The following RAB38 variants were observed in gnomAD, a reference collection of about 807,000 sequenced individuals.
RAB38 encodes RAB38, member RAS oncogene family.
In RAB38, 15 loss-of-function variants were observed where a neutral mutation model predicts 18.4. The observed-to-expected ratio is 0.82, with a 90% CI of 0.55 to 1.26. The LOEUF is 1.26. Ranked by LOEUF, RAB38 falls within the 50% of genes most tolerant of loss-of-function variation. The pLI is 0.00. For synonymous variants in RAB38, 101 were observed against 104.4 expected, an observed-to-expected ratio of 0.97 and a Z score of 0.20; for missense variants, 294 against 267.4, an observed-to-expected ratio of 1.10 and a Z score of -0.69.
chr11:87,863,348 C>T, the RAB38 span, among the ~76,000 whole-genome samples: 1 of 151,622 alleles, frequency 6.6e-6, no homozygotes, highest in South Asian at 2.1e-4. Flanking sequence ...CAAAAGTACC[C>T]AACTTATGGC....
chr11:88,054,845 T>A, the RAB38 span, among the ~76,000 whole-genome samples: 1 of 152,234 alleles, frequency 6.6e-6, no homozygotes, highest in African/African-American at 2.4e-5. Context: ...TATCAGGAGA[T>A]CTCCTTAAGT....
chr11:87,823,833 T>C, the RAB38 span, among the ~76,000 whole-genome samples: 3 of 152,092 alleles, frequency 2.0e-5, no homozygotes, highest in Non-Finnish European at 4.4e-5. Context: ...ACACAGATGA[T>C]TTTTAAGAAG....
chr11:88,140,976 G>A (rs1012372977), intron 2 of RAB38, among the ~76,000 whole-genome samples: 1 of 152,114 alleles, frequency 6.6e-6, no homozygotes, highest in Non-Finnish European at 1.5e-5. Context: ...AGATCCAGAA[G>A]GATATGGAAG....
At chr11:88,143,448 C>T (rs1201823499) in intron 2 of RAB38, among the ~76,000 whole-genome samples, 1 of 152,120 alleles carries the variant, frequency 6.6e-6, no homozygotes, top group African/African-American at 2.4e-5. Flanking sequence ...ACATGTAAAC[C>T]AATGAGCACA....
chr11:87,812,894 C>T, the RAB38 span, among the ~76,000 whole-genome samples: 786 of 152,268 alleles, frequency 5.2e-3, 10 homozygotes, highest in African/African-American at 0.018. Flanking sequence ...AAGATGGGAA[C>T]TATAACACTG....
the RAB38 span, among the ~76,000 whole-genome samples, chr11:87,810,417 G>C: frequency 6.6e-6 from 1 of 152,096 alleles, no homozygotes; most frequent in Non-Finnish European, 1.5e-5. Context: ...ATCATACAGT[G>C]TGAACTTGTC....
the RAB38 span, among the ~76,000 whole-genome samples, chr11:87,970,958 C>A: frequency 6.6e-6 from 1 of 152,016 alleles, no homozygotes; most frequent in Non-Finnish European, 1.5e-5. Context: ...AAATGTCACT[C>A]TAGAGCTCTG....
chr11:87,811,066 G>A, the RAB38 span, among the ~76,000 whole-genome samples: 1 of 152,210 alleles, frequency 6.6e-6, no homozygotes, highest in East Asian at 1.9e-4. Context: ...CTAAGACTTT[G>A]TAGGCTCTCC....
chr11:88,099,797 G>T, the RAB38 span, among the ~76,000 whole-genome samples: 1 of 151,438 alleles, frequency 6.6e-6, no homozygotes, highest in Non-Finnish European at 1.5e-5. Flanking sequence ...TAGTACATAG[G>T]GTCAAGGCAT....
At chr11:88,008,620 A>G in the RAB38 span, among the ~76,000 whole-genome samples, 2 of 152,230 alleles carry the variant, frequency 1.3e-5, no homozygotes, top group African/African-American at 4.8e-5. Context: ...ACTCTCCAGA[A>G]AGAAAACAGA....
At position 88,175,377 on chromosome 11, in the gene RAB38, G is replaced by C. The variant is rs966187142; in HGVS notation, c.8C>G (p.Ala3Gly). The change falls in exon 1 of 3, where the codon GCC becomes GGC. Residue 3 changes from alanine (A) to glycine (G), a missense_variant. Coordinates refer to ENST00000243662, the MANE Select transcript of RAB38 (RefSeq NM_022337.3). MQ[A>G]PHKEHLYKLL... ...CTTGTACAGGTGCTCCTTGTGCGGG[G>C]CCTGCATCCTGGCGGCCGGCCAGAC... 5 of 1,614,010 alleles carry C rather than the reference G, an allele frequency of 3.1e-6. No individual in the cohort carries two copies. Among genetic ancestry groups the C allele is most frequent in the Middle Eastern group, 1.6e-4 (1 of 6,082 alleles).
chr11:87,926,197 TATG>T, the RAB38 span, among the ~76,000 whole-genome samples: 1 of 152,004 alleles, frequency 6.6e-6, no homozygotes, highest in Non-Finnish European at 1.5e-5. Flanking sequence ...TTGTCAACCT[TATG>T]ATTTTACCCT....
chr11:88,149,580 A>G, intron 2 of RAB38, 95 bp downstream of exon 2: 1 of 1,415,974 alleles, frequency 7.1e-7, no homozygotes, highest in East Asian at 2.3e-5. Flanking sequence ...TCACTAAACA[A>G]ACATATTATT....
chr11:87,858,162 T>A, the RAB38 span, among the ~76,000 whole-genome samples: 1,961 of 152,244 alleles, frequency 0.013, 23 homozygotes, highest in Non-Finnish European at 0.019. Context: ...TTGTCAAAGA[T>A]CAGATGGTTG....
chr11:88,118,479 A>G (rs34584708), intron 2 of RAB38, among the ~76,000 whole-genome samples: 2,712 of 152,342 alleles, frequency 0.018, 46 homozygotes, highest in South Asian at 0.082. Flanking sequence ...TGGCATCCAA[A>G]TAGACACAGT....
chr11:88,150,076 A>T, intron 1 of RAB38, 121 bp from the exon 2 acceptor site: 1 of 1,068,040 alleles, frequency 9.4e-7, no homozygotes, highest in Non-Finnish European at 1.3e-6. Flanking sequence ...CTTTACTGAT[A>T]ATCTTTAAAG....
At chr11:88,033,187 T>G in the RAB38 span, among the ~76,000 whole-genome samples, 22 of 144,626 alleles carry the variant, frequency 1.5e-4, 1 homozygote, top group African/African-American at 5.2e-4. Context: ...TGAGAACACA[T>G]GGACACAGGA....
chr11:87,828,403 C>T, the RAB38 span, among the ~76,000 whole-genome samples: 368 of 152,056 alleles, frequency 2.4e-3, 3 homozygotes, highest in African/African-American at 8.4e-3. Context: ...TTTTAAATCC[C>T]CATTCTACTA....
At chr11:88,030,050 A>C in the RAB38 span, among the ~76,000 whole-genome samples, 1 of 152,312 alleles carries the variant, frequency 6.6e-6, no homozygotes, top group South Asian at 2.1e-4. Context: ...CAGTGCAATC[A>C]AACTAGAACT....
Sources: allele counts gnomAD v4.1 joint callset (sites outside exome capture counted in the v4.1 genomes callset), GRCh38; gene constraint gnomAD v4.1.1; transcripts MANE v1.5; gene names NCBI Gene and HGNC (gene_info 2026-07-23, HGNC 2026-07-21).